BTAF1: variants seen among roughly 807,000 people sequenced by gnomAD.
BTAF1 encodes the protein B-TFIID TATA-box binding protein associated factor 1.
Under a neutral mutation model 227.1 loss-of-function variants are expected in BTAF1, and 38 were observed. The observed-to-expected ratio is 0.17, with a 90% confidence interval of 0.13 to 0.22. The LOEUF (loss-of-function observed/expected upper bound fraction) is 0.22. Among genes scored for constraint, BTAF1 ranks in the 10% least tolerant of loss-of-function variants. BTAF1 has a pLI of 1.00. For synonymous variants in BTAF1, 742 were observed against 751.9 expected (o/e 0.99, Z 0.21); for missense variants, 1,598 against 2,204.0 (o/e 0.73, Z 5.51).
chr10:91,951,820 A>T (rs1845782393), intron 5 of BTAF1, among the ~76,000 whole-genome samples: 1 of 152,094 alleles, frequency 6.6e-6, no homozygotes. Context: ...GTATTGAAAG[A>T]TTCTAATTGC....
At position 91,923,858 on chromosome 10, in the gene BTAF1, G is replaced by T; in HGVS notation, c.-219G>T. 2.1e-6 allele frequency: 1 copy of T among 466,936 alleles called. No individual in the cohort carries two copies. Among genetic ancestry groups the T allele is most frequent in the Non-Finnish European group, 3.7e-6 (1 of 267,452 alleles). 28.9% of individuals were successfully genotyped at this position (466,936 alleles called of 1,614,324 possible). ...TGCGGGTCGGAGGACTGCCGCCTCC[G>T]CTACCGTCTTGGACCCCTGCTTACC... On this transcript the variant is annotated 5_prime_UTR_variant, in exon 1 of 38. Coordinates refer to ENST00000265990, the MANE Select transcript of BTAF1 (RefSeq NM_003972.3).
In BTAF1 at chr10:91,923,923, AT is replaced by A; in HGVS notation, c.-153del. The A allele has an allele frequency of 4.4e-6, 4 of 917,854 alleles. No individual in the cohort carries two copies. Among genetic ancestry groups the A allele is most frequent in the Non-Finnish European group, 6.0e-6 (4 of 663,302 alleles). 56.9% of individuals were successfully genotyped at this position (917,854 alleles called of 1,614,324 possible). ...CGAGCTCGGGTAGGCGGCAGGGCAGATGCCCGAGGGCCTGCGCTGGAACGCC... is the reference window on the plus strand; with the variant it reads ...CGAGCTCGGGTAGGCGGCAGGGCAGAGCCCGAGGGCCTGCGCTGGAACGCC... On this transcript the variant is annotated 5_prime_UTR_variant, in exon 1 of 38. The change abolishes an upstream ATG in the 5' untranslated region. Coordinates refer to ENST00000265990, the MANE Select transcript of BTAF1 (RefSeq NM_003972.3).
chr10:92,007,210 C>CT (rs969389265), intron 25 of BTAF1, among the ~76,000 whole-genome samples: 3,269 of 61,244 alleles, frequency 0.053, 648 homozygotes, highest in Non-Finnish European at 0.072. Flanking sequence ...TATTTTTTGT[C>CT]TTTTTTTTTT....
chr10:92,011,927 G>A (rs1022193614), intron 30 of BTAF1, among the ~76,000 whole-genome samples: 13 of 152,060 alleles, frequency 8.5e-5, no homozygotes, highest in Middle Eastern at 3.4e-3. Context: ...GGTTGCAAAT[G>A]TTCACATCTA....
rs747184540 is a variant in BTAF1, at chr10:91,989,393, G to C, written c.2667G>C (p.Glu889Asp). Residue 889 changes from glutamate to aspartate, a missense_variant, in exon 20 of 38, where the codon GAG (glutamate) becomes GAC (aspartate). Around this residue, in one of 10 missense-constraint regions of BTAF1, gnomAD observed 425 missense variants for 491.2 expected, o/e 0.87. Coordinates refer to ENST00000265990, the MANE Select transcript of BTAF1 (RefSeq NM_003972.3). Reference sequence around the variant, plus strand: ...TAATGGAGACAATTAAAAAAGAAGAGAATACACTAGTGCAAAACTATGCAG... The same window carrying C: ...TAATGGAGACAATTAAAAAAGAAGACAATACACTAGTGCAAAACTATGCAG... The part of the protein sequence containing the change: ...KPLMETIKKE[E>D]NTLVQNYAAQ... 1.2e-6 allele frequency: 2 copies of C among 1,614,132 alleles called. No homozygotes were observed. Among genetic ancestry groups the C allele is most frequent in the South Asian group, 2.2e-5 (2 of 91,086 alleles).
chr10:91,991,797 G>GTGTATATATATATA (rs1554860529), intron 20 of BTAF1, among the ~76,000 whole-genome samples: 3 of 10,006 alleles, frequency 3.0e-4, no homozygotes, highest in African/African-American at 5.5e-4. Context: ...GTGTGTGTGT[G>GTGTATATATATATA]TATATATATA....
At chr10:92,007,341 G>A (rs1436368605) in intron 25 of BTAF1, among the ~76,000 whole-genome samples, 10 of 150,842 alleles carry the variant, frequency 6.6e-5, no homozygotes, top group Non-Finnish European at 1.3e-4. Flanking sequence ...GCCAGCGTGG[G>A]GTAGCTAGGA....
rs59774220 is a variant in BTAF1, at chr10:91,986,238, C to T, written c.2427+1834C>T. 5.6e-3 allele frequency among the ~76,000 whole-genome samples: 856 copies of T among 152,188 alleles called. 5 individuals carry two copies. The highest frequency in any genetic ancestry group is 0.02 in the African/African-American group (824 of 41,536). ...ATTTCCCTATTGGATTGTTCTGGCA[C>T]CTTTGTCAAAAACCAACTGAAGTTA... On this transcript the variant is annotated intron_variant, in intron 19 of 37. Coordinates refer to ENST00000265990, the MANE Select transcript of BTAF1 (RefSeq NM_003972.3).
At chr10:91,947,647 A>G (rs1845463747) in intron 4 of BTAF1, among the ~76,000 whole-genome samples, 1 of 146,796 alleles carries the variant, frequency 6.8e-6, no homozygotes. Context: ...TGAGCCTCCA[A>G]CTTTGTTCCT....
At chr10:91,936,340 G>T (rs1250328046) in intron 2 of BTAF1, among the ~76,000 whole-genome samples, 12 of 150,620 alleles carry the variant, frequency 8.0e-5, no homozygotes. Context: ...TTCCTGATGT[G>T]CAGAGTAAAG....
Position 92,029,174 on chromosome 10 carries a change from C to T in BTAF1, c.*241C>T. 2.9e-6 allele frequency: 1 copy of T among 344,438 alleles called. No homozygotes were observed. The highest frequency in any genetic ancestry group is 5.1e-6 in the Non-Finnish European group (1 of 197,158). The allele number at this position is 344,438 out of a possible 1,614,324, so 21.3% of individuals were successfully genotyped here. The stretch of plus-strand genomic sequence containing the variant: ...TTTTACATGCTGAAAAGCTGCAGAG[C>T]AGAGGAACCAAACCAGGTTTATTTG... On this transcript the variant is annotated 3_prime_UTR_variant, in exon 38 of 38. Transcript: ENST00000265990.
At chr10:91,997,559 T>C (rs746821894) in intron 24 of BTAF1, 44 bp from the exon 25 acceptor site, 1 of 1,558,222 alleles carries the variant, frequency 6.4e-7, no homozygotes, top group Non-Finnish European at 8.7e-7. Flanking sequence ...TGTGAAAACA[T>C]CTGTCTTGGA....
chr10:92,001,676 A>G (rs1054389801), intron 25 of BTAF1, among the ~76,000 whole-genome samples: 3 of 152,174 alleles, frequency 2.0e-5, no homozygotes, highest in Non-Finnish European at 4.4e-5. Flanking sequence ...TAAAAAAAAT[A>G]CAGCACCCAA....
At chr10:91,971,626 C>T (rs1273919898) in intron 14 of BTAF1, among the ~76,000 whole-genome samples, 1 of 152,012 alleles carries the variant, frequency 6.6e-6, no homozygotes, top group Non-Finnish European at 1.5e-5. Flanking sequence ...CATGCGCCAC[C>T]ACGCCTGACT....
chr10:91,991,793 GTGTGTATATATATA>G (rs759687266), intron 20 of BTAF1, among the ~76,000 whole-genome samples: 241 of 83,446 alleles, frequency 2.9e-3, no homozygotes, highest in Admixed American at 0.014. Context: ...GTGTGTGTGT[GTGTGTATATATATA>G]TATATATATA....
intron 19 of BTAF1, 74 bp from the exon 20 acceptor site, chr10:91,989,080 C>G: frequency 1.5e-6 from 2 of 1,312,484 alleles, no homozygotes; most frequent in South Asian, 3.1e-5. Context: ...AGCTTGCTGT[C>G]TACCCTTTAG....
At chr10:91,991,271 A>AATATATATATATATATATAT (rs3980612) in intron 20 of BTAF1, among the ~76,000 whole-genome samples, 5 of 66,230 alleles carry the variant, frequency 7.5e-5, no homozygotes, top group Non-Finnish European at 1.1e-4. Flanking sequence ...TATAAATATA[A>AATATATATATATATATATAT]ATATATATAT....
At position 91,982,045 on chromosome 10, in the gene BTAF1, G is replaced by T. The variant is rs774791615; in HGVS notation, c.1906-38G>T. 24 of 1,591,494 alleles carry T rather than the reference G, an allele frequency of 1.5e-5. No individual in the cohort carries two copies. The African/African-American group carries it at 3.2e-4, about 22-fold the overall frequency. On this transcript the variant is annotated intron_variant, in intron 16 of 37. Transcript: ENST00000265990. ...TGTTGTTGCCTATTCAGTTTTAATG[G>T]TTAATCTTTATTGTTTTTTTTTCCC...
At chr10:92,006,465 A>G (rs1849894410) in intron 25 of BTAF1, among the ~76,000 whole-genome samples, 1 of 152,170 alleles carries the variant, frequency 6.6e-6, no homozygotes, top group Non-Finnish European at 1.5e-5. Context: ...CCAGGTAAGT[A>G]TGTCTTATAC....
Sources: allele counts gnomAD v4.1 joint callset (sites outside exome capture counted in the v4.1 genomes callset), GRCh38; gene constraint gnomAD v4.1.1; regional missense constraint gnomAD v4.1.1; transcripts MANE v1.5; gene names NCBI Gene and HGNC (gene_info 2026-07-23, HGNC 2026-07-21).